The following TRERF1 variants were observed in gnomAD, a reference collection of about 807,000 sequenced individuals.
TRERF1 encodes transcriptional-regulating factor 1.
A neutral mutation model predicts 122.9 loss-of-function variants in TRERF1; 27 were observed. The ratio of observed to expected loss-of-function variants is 0.22; its 90% confidence interval spans 0.16 to 0.30. The LOEUF (loss-of-function observed/expected upper bound fraction) is 0.30. TRERF1 is among the 10% of genes least tolerant of loss of function. TRERF1 has a pLI of 1.00. For synonymous variants in TRERF1, 636 were observed against 641.7 expected (o/e 0.99, Z 0.13); for missense variants, 1,248 against 1,560.3 (o/e 0.80, Z 3.37).
intron 5 of TRERF1, 144 bp from the exon 6 acceptor site, chr6:42,265,941 A>C: frequency 1.2e-6 from 1 of 805,450 alleles, no homozygotes; most frequent in Non-Finnish European, 2.0e-6. Flanking sequence ...ATTCATGTCC[A>C]CTCACTCCCT....
chr6:42,407,321 G>A (rs540390622), intron 2 of TRERF1, among the ~76,000 whole-genome samples: 58 of 152,228 alleles, frequency 3.8e-4, no homozygotes, highest in African/African-American at 1.4e-3. Context: ...ACCGTTATTC[G>A]CAATGACTCT....
At chr6:42,304,602 T>C (rs981232872) in intron 3 of TRERF1, among the ~76,000 whole-genome samples, 2 of 152,348 alleles carry the variant, frequency 1.3e-5, no homozygotes, top group African/African-American at 4.8e-5. Flanking sequence ...GGGGTTCTGA[T>C]GACTTGCTAT....
chr6:42,410,678 T>A lies in TRERF1; in HGVS notation c.-454+40499A>T, dbSNP rs76806173. Among the ~76,000 whole-genome samples the A allele has an allele frequency of 1.4e-3, 219 of 152,218 alleles. 9 individuals are homozygous for A. In the East Asian group the frequency reaches 0.04, roughly 28 times the overall value. ...CATTCATTTAACACAGGGACTGTAATGCAATCAATCAATGGCCATGTGTCT... is the reference window on the plus strand; with the variant it reads ...CATTCATTTAACACAGGGACTGTAAAGCAATCAATCAATGGCCATGTGTCT... On this transcript the variant is annotated intron_variant, in intron 2 of 17. Transcript: ENST00000372922.
intron 3 of TRERF1, among the ~76,000 whole-genome samples, chr6:42,345,428 T>C (rs1199931741): frequency 6.6e-6 from 1 of 152,144 alleles, no homozygotes; most frequent in Non-Finnish European, 1.5e-5. Flanking sequence ...AGCAGGCTGG[T>C]GCAGCTTCTT....
chr6:42,429,918 C>T (rs1784229214), intron 2 of TRERF1, among the ~76,000 whole-genome samples: 2 of 152,114 alleles, frequency 1.3e-5, no homozygotes, highest in Admixed American at 1.3e-4. Context: ...GAGGAAAGCC[C>T]TGTTGAGAAA....
intron 8 of TRERF1, among the ~76,000 whole-genome samples, chr6:42,260,351 C>T (rs1212438160): frequency 6.6e-6 from 1 of 152,042 alleles, no homozygotes; most frequent in Admixed American, 6.6e-5. Flanking sequence ...ACTATTGCTC[C>T]CAGAACTCGT....
Position 42,270,803 on chromosome 6 carries a change from C to T in TRERF1, c.-258-955G>A, listed in dbSNP as rs192619607. Among the ~76,000 whole-genome samples, 686 of 138,490 alleles carry T rather than the reference C, an allele frequency of 5.0e-3. 4 individuals are homozygous for T. The highest frequency in any genetic ancestry group is 8.1e-3 in the Non-Finnish European group (530 of 65,108). The allele number at this position is 138,490 out of a possible 152,430, so 90.9% of individuals were successfully genotyped here. On this transcript the variant is annotated intron_variant, in intron 4 of 17. Transcript: ENST00000372922. ...TTTTTTTTTTTTTGAGATGGAGTCT[C>T]GCTCTGTTGCCCAGGCTGGAGAGCA...
rs1048663333 is a variant in TRERF1, at chr6:42,362,994, G to T, written c.-371+3C>A. On this transcript the variant is annotated splice_donor_region_variant and intron_variant, in intron 3 of 17. Coordinates refer to ENST00000372922, the Ensembl canonical transcript of TRERF1. Reference sequence around the variant, plus strand: ...CCAACACCAAGAACTCCCGAGAAGCGACCTGTTTGAGGATGAAGAGGCTGA... The same window carrying T: ...CCAACACCAAGAACTCCCGAGAAGCTACCTGTTTGAGGATGAAGAGGCTGA... 2 of 153,704 alleles carry T rather than the reference G, an allele frequency of 1.3e-5. No individual in the cohort carries two copies. The highest frequency in any genetic ancestry group is 4.8e-5 in the African/African-American group (2 of 41,416). The allele number at this position is 153,704 out of a possible 1,614,324, so 9.5% of individuals were successfully genotyped here.
intron 4 of TRERF1, among the ~76,000 whole-genome samples, chr6:42,287,686 C>T (rs1170389599): frequency 6.6e-6 from 1 of 152,186 alleles, no homozygotes; most frequent in Non-Finnish European, 1.5e-5. Context: ...CCCACCACCT[C>T]CCCATTCCCA....
At chr6:42,252,735 G>A (rs776894306) in intron 13 of TRERF1, among the ~76,000 whole-genome samples, 1 of 152,154 alleles carries the variant, frequency 6.6e-6, no homozygotes, top group African/African-American at 2.4e-5. Context: ...CCTCCCCTGC[G>A]GCTTAGAAGG....
In TRERF1 at chr6:42,268,848, C is replaced by T; in HGVS notation, c.743G>A (p.Gly248Glu). The change falls in exon 5 of 18, where the codon GGA (glycine) becomes GAA (glutamate). Residue 248 changes from glycine to glutamate, a missense_variant. By Grantham distance (98) the Gly-to-Glu change is moderately conservative (BLOSUM62 -2). Coordinates refer to ENST00000372922, the Ensembl canonical transcript of TRERF1. This position sits in a 1 kb window ranked among gnomAD's most constrained non-coding sequence, Gnocchi z 4.4. ...CATCTGTGGGGCCTGCAGTGGCTGT[C>T]CTCCCTGCACTGGCACCTGAGCCAG... 6.2e-7 allele frequency: 1 copy of T among 1,614,130 alleles called. No individual in the cohort carries two copies. Among genetic ancestry groups the T allele is most frequent in the Non-Finnish European group, 8.5e-7 (1 of 1,180,028 alleles).
intron 3 of TRERF1, among the ~76,000 whole-genome samples, chr6:42,351,135 T>C (rs1769366558): frequency 6.6e-6 from 1 of 152,280 alleles, no homozygotes; most frequent in African/African-American, 2.4e-5. Context: ...GAAACAACTA[T>C]AATGTTCACG....
chr6:42,421,264 G>A (rs969447100), intron 2 of TRERF1, among the ~76,000 whole-genome samples: 23 of 152,204 alleles, frequency 1.5e-4, no homozygotes, highest in African/African-American at 5.3e-4. Context: ...TGGTAGCTTG[G>A]AACAATGGCT....
chr6:42,451,859 A>C (rs1582329947), intron 1 of TRERF1, among the ~76,000 whole-genome samples: 1 of 148,878 alleles, frequency 6.7e-6, no homozygotes, highest in Non-Finnish European at 1.5e-5. Flanking sequence ...GCGTGCATCC[A>C]CCCTCCCCTT....
chr6:42,425,102 C>T (rs945102105), intron 2 of TRERF1, among the ~76,000 whole-genome samples: 15 of 152,130 alleles, frequency 9.9e-5, no homozygotes, highest in African/African-American at 3.4e-4. Flanking sequence ...AAGGTACCTC[C>T]TAACCTGGAC....
intron 2 of TRERF1, among the ~76,000 whole-genome samples, chr6:42,385,245 G>A (rs182957178): frequency 2.6e-5 from 4 of 152,220 alleles, no homozygotes; most frequent in East Asian, 1.9e-4. Context: ...CCAAAGTACC[G>A]AGATTACAGG....
At chr6:42,447,700 G>T (rs911564080) in intron 2 of TRERF1, among the ~76,000 whole-genome samples, 2 of 151,870 alleles carry the variant, frequency 1.3e-5, no homozygotes, top group Non-Finnish European at 2.9e-5. Context: ...TTTCTTTTTT[G>T]TTGTTGTTGT....
chr6:42,279,961 T>A (rs1170631604), intron 4 of TRERF1, among the ~76,000 whole-genome samples: 2 of 152,248 alleles, frequency 1.3e-5, no homozygotes, highest in Non-Finnish European at 2.9e-5. Flanking sequence ...AAAGTCAGTA[T>A]GTAAAATAAC....
chr6:42,392,030 T>C (rs1777824427), intron 2 of TRERF1, among the ~76,000 whole-genome samples: 1 of 152,212 alleles, frequency 6.6e-6, no homozygotes, highest in Non-Finnish European at 1.5e-5. Context: ...CATCAGCCTC[T>C]ATCTCCTTCC....
Sources: allele counts gnomAD v4.1 joint callset (sites outside exome capture counted in the v4.1 genomes callset), GRCh38; gene constraint gnomAD v4.1.1; non-coding constraint Gnocchi (gnomAD v3.1); transcripts MANE v1.5; gene names NCBI Gene and HGNC (gene_info 2026-07-23, HGNC 2026-07-21).